CACNA1A: variants seen among roughly 807,000 people sequenced by gnomAD.
CACNA1A encodes the protein voltage-dependent P/Q-type calcium channel subunit alpha-1A.
A neutral mutation model predicts 262.4 loss-of-function variants in CACNA1A; 57 were observed. The observed-to-expected ratio is 0.22, with a 90% confidence interval of 0.18 to 0.27. The LOEUF is 0.27. Among genes scored for constraint, CACNA1A ranks in the 10% least tolerant of loss-of-function variants. CACNA1A has a pLI of 1.00. For missense variants in CACNA1A, 2,526 were observed against 3,562.8 expected, an observed-to-expected ratio of 0.71 and a Z score of 7.41; for synonymous variants, 1,431 against 1,419.3, an observed-to-expected ratio of 1.01 and a Z score of -0.18.
chr19:13,234,993 T>C lies in CACNA1A; in HGVS notation c.5177A>G (p.Asp1726Gly). ...IGIDVEDEDS[D>G]EDEFQITEHN... ...CTCAGTGATTTGGAACTCATCTTCA[T>C]CACTGTCCTCGTCCTCCACGTCGAT... The change falls in exon 34 of 47, where the codon GAT (aspartate) becomes GGT (glycine). Residue 1726 changes from aspartate to glycine, a missense_variant. This residue lies in a region of CACNA1A where 17 missense variants were observed against 16.5 expected (regional missense o/e 1.03). Coordinates refer to ENST00000360228, the MANE Select transcript of CACNA1A (RefSeq NM_001127222.2). 1 of 1,613,972 alleles carries C rather than the reference T, an allele frequency of 6.2e-7. No homozygotes were observed. The highest frequency in any genetic ancestry group is 8.5e-7 in the Non-Finnish European group (1 of 1,179,830).
chr19:13,210,337 C>T (rs1288048701), intron 44 of CACNA1A, among the ~76,000 whole-genome samples: 1 of 152,096 alleles, frequency 6.6e-6, no homozygotes, highest in African/African-American at 2.4e-5. Context: ...GCAGAGTGGG[C>T]CAGGCTCTTG....
chr19:13,235,363 G>A, intron 32 of CACNA1A, 89 bp from the exon 33 acceptor site: 1 of 1,320,318 alleles, frequency 7.6e-7, no homozygotes, highest in Non-Finnish European at 1.1e-6. Flanking sequence ...TGCCCCACTG[G>A]GTTGGGTGGC....
intron 21 of CACNA1A, chr19:13,283,760 G>GTGT (rs759285062): frequency 1.8e-4 from 31 of 173,898 alleles, no homozygotes; most frequent in Admixed American, 4.0e-4. Flanking sequence ...ACAATATTGT[G>GTGT]AATCTATGGG....
At position 13,368,852 on chromosome 19, in the gene CACNA1A, C is replaced by T. The variant is rs1223130195; in HGVS notation, c.631+2836G>A. ...AGGAGATCGAGACCATCCTGGCTAA[C>T]ACGGTGAAACCCCGTCTCTACTAAA... On this transcript the variant is annotated intron_variant, in intron 4 of 46. Transcript: ENST00000360228. Among the ~76,000 whole-genome samples the T allele has an allele frequency of 2.8e-5, 4 of 144,970 alleles. 1 individual carries two copies. The highest frequency in any genetic ancestry group is 1.1e-4 in the African/African-American group (4 of 35,336).
chr19:13,251,758 A>C (rs1339481710), intron 30 of CACNA1A, among the ~76,000 whole-genome samples: 2 of 151,974 alleles, frequency 1.3e-5, no homozygotes, highest in Admixed American at 1.3e-4. Context: ...AAAAATAAAG[A>C]CATATTTATT....
intron 19 of CACNA1A, among the ~76,000 whole-genome samples, chr19:13,287,225 C>T (rs1397985254): frequency 1.3e-5 from 2 of 152,010 alleles, no homozygotes; most frequent in Admixed American, 1.3e-4. Context: ...GCGCTGTGTG[C>T]CTGTAGTTCT....
At chr19:13,272,531 A>G (rs1170292117) in intron 24 of CACNA1A, 1 of 152,392 alleles carries the variant, frequency 6.6e-6, no homozygotes, top group Non-Finnish European at 1.5e-5. Context: ...TCCAAGCTAC[A>G]CGGTCCAGGG....
intron 1 of CACNA1A, among the ~76,000 whole-genome samples, chr19:13,491,905 G>A (rs990472217): frequency 6.6e-6 from 1 of 152,130 alleles, no homozygotes; most frequent in Admixed American, 6.5e-5. Context: ...TTGCACTGGG[G>A]AGGGAGGAGG....
At chr19:13,367,296 A>G (rs1360272618) in intron 4 of CACNA1A, among the ~76,000 whole-genome samples, 5 of 77,104 alleles carry the variant, frequency 6.5e-5, no homozygotes, top group Admixed American at 6.1e-4. Flanking sequence ...CTCTGTCTCA[A>G]AAAAAAAAAA....
intron 3 of CACNA1A, among the ~76,000 whole-genome samples, chr19:13,425,358 T>C (rs1388475382): frequency 6.6e-6 from 1 of 152,074 alleles, no homozygotes; most frequent in African/African-American, 2.4e-5. Context: ...CTTCAAGTTT[T>C]ATGGCCTCCT....
At chr19:13,406,370 G>T (rs772724721) in intron 3 of CACNA1A, among the ~76,000 whole-genome samples, 1 of 149,130 alleles carries the variant, frequency 6.7e-6, no homozygotes, top group Non-Finnish European at 1.5e-5. Context: ...AACAAGAGTT[G>T]CTTGAACCTG....
intron 3 of CACNA1A, among the ~76,000 whole-genome samples, chr19:13,400,143 A>C (rs572323267): frequency 6.6e-6 from 1 of 152,308 alleles, no homozygotes; most frequent in East Asian, 1.9e-4. Flanking sequence ...CAAGATGATC[A>C]GACAGGTTGG....
At chr19:13,297,229 T>C (rs2057682957) in intron 19 of CACNA1A, among the ~76,000 whole-genome samples, 1 of 152,188 alleles carries the variant, frequency 6.6e-6, no homozygotes, top group South Asian at 2.1e-4. Flanking sequence ...TGAAGTCACT[T>C]TGCAAAAGTC....
chr19:13,371,833 A>G (rs928551675), intron 3 of CACNA1A, 54 bp from the exon 4 acceptor site: 19 of 1,315,440 alleles, frequency 1.4e-5, no homozygotes, highest in Non-Finnish European at 2.0e-5. Context: ...GGGGTCAGAC[A>G]GCAGGGCGGG....
intron 3 of CACNA1A, among the ~76,000 whole-genome samples, chr19:13,418,052 G>T (rs1225093846): frequency 6.6e-6 from 1 of 152,054 alleles, no homozygotes; most frequent in Non-Finnish European, 1.5e-5. Flanking sequence ...CAATATTTGT[G>T]TTGCAAATGA....
chr19:13,263,493 G>A (rs2056787753), intron 24 of CACNA1A: 1 of 152,036 alleles, frequency 6.6e-6, no homozygotes, highest in African/African-American at 2.4e-5. Flanking sequence ...AAAAGCCCTT[G>A]GTCTAGGAGT....
rs142417893 is a variant in CACNA1A at position 13,379,647 on chromosome 19, C to T, written c.540-7868G>A. ...TTCAGTGTTAAAAGTGTTACAGGGC[C>T]GGGCGCGGTGGCTCACACCTGTAAT... On this transcript the variant is annotated intron_variant, in intron 3 of 46. Coordinates refer to ENST00000360228, the MANE Select transcript of CACNA1A (RefSeq NM_001127222.2). Among the ~76,000 whole-genome samples, 301 of 152,186 alleles carry T rather than the reference C, an allele frequency of 2.0e-3. 2 individuals are homozygous for T. Among genetic ancestry groups the T allele is most frequent in the African/African-American group, 6.6e-3 (273 of 41,528 alleles).
chr19:13,262,704 C>A, intron 25 of CACNA1A, 30 bp downstream of exon 25: 1 of 1,398,378 alleles, frequency 7.2e-7, no homozygotes, highest in Non-Finnish European at 1.0e-6. Flanking sequence ...ACAGTCCCCC[C>A]CACCGCACCC....
intron 3 of CACNA1A, among the ~76,000 whole-genome samples, chr19:13,396,184 C>T (rs2059808159): frequency 6.6e-6 from 1 of 152,132 alleles, no homozygotes; most frequent in Non-Finnish European, 1.5e-5. Flanking sequence ...ACCAAGGTTC[C>T]GGAAGGCCAG....
Sources: allele counts gnomAD v4.1 joint callset (sites outside exome capture counted in the v4.1 genomes callset), GRCh38; gene constraint gnomAD v4.1.1; regional missense constraint gnomAD v4.1.1; transcripts MANE v1.5; gene names NCBI Gene and HGNC (gene_info 2026-07-23, HGNC 2026-07-21).